DIPK1A: variants seen among roughly 807,000 people sequenced by gnomAD.
DIPK1A encodes the protein family with sequence similarity 69 member A.
DIPK1A carries 27 observed loss-of-function variants against 40.8 expected under a neutral mutation model. That is an observed-to-expected ratio of 0.66 (90% CI 0.49 to 0.91). The LOEUF is 0.91. Among genes scored for constraint, DIPK1A ranks in the 40% least tolerant of loss-of-function variants. The probability of loss-of-function intolerance (pLI) is 0.00; values close to 1 mark genes in which losing one functional copy is unlikely to be tolerated. For synonymous variants in DIPK1A, 166 were observed against 171.3 expected (o/e 0.97, Z 0.24); for missense variants, 412 against 505.7 (o/e 0.81, Z 1.78).
At chr1:92,960,935 A>G (rs1163159329) in intron 1 of DIPK1A, among the ~76,000 whole-genome samples, 1 of 152,226 alleles carries the variant, frequency 6.6e-6, no homozygotes, top group Admixed American at 6.5e-5. Context: ...TTAAGACCCA[A>G]GACACTGAGT....
chr1:92,844,889 C>T (rs1345862927), intron 4 of DIPK1A, among the ~76,000 whole-genome samples: 1 of 149,042 alleles, frequency 6.7e-6, no homozygotes, highest in Non-Finnish European at 1.5e-5. Context: ...GAAAATAAAA[C>T]TTTTTTCTAA....
chr1:92,834,846 A>C, intron 4 of DIPK1A: 1 of 1,609,460 alleles, frequency 6.2e-7, no homozygotes, highest in Non-Finnish European at 8.5e-7. Context: ...CTGCCAAAAT[A>C]TGGTGTGAAG....
chr1:92,928,114 A>C (rs987694228), intron 1 of DIPK1A, among the ~76,000 whole-genome samples: 3 of 152,122 alleles, frequency 2.0e-5, no homozygotes, highest in African/African-American at 7.2e-5. Flanking sequence ...CCTTGTGAAC[A>C]CTTGTTATTG....
chr1:92,856,903 A>G (rs1390724360), intron 2 of DIPK1A, among the ~76,000 whole-genome samples: 19 of 152,200 alleles, frequency 1.2e-4, no homozygotes, highest in Non-Finnish European at 8.8e-5. Flanking sequence ...AAGAACGTTA[A>G]TGCCCCTCAA....
At chr1:92,961,161 CGCGGGAGCCGCGAGGGCCGCGGT>C (rs1301027693) in intron 1 of DIPK1A, among the ~76,000 whole-genome samples, 192 bp downstream of exon 1, 1 of 148,060 alleles carries the variant, frequency 6.8e-6, no homozygotes. Context: ...CTGGCCGCGG[CGCGGGAGCCGCGAGGGCCGCGGT>C]GGGGGGCGTC....
intron 1 of DIPK1A, among the ~76,000 whole-genome samples, chr1:92,898,052 T>C (rs1302662816): frequency 6.6e-6 from 1 of 150,424 alleles, no homozygotes; most frequent in Non-Finnish European, 1.5e-5. Context: ...TGGGTCAAGA[T>C]TGTGTCACTG....
At chr1:92,839,110 C>T (rs781505831), downstream of DIPK1A, among the ~76,000 whole-genome samples, 83 of 151,110 alleles carry the variant, frequency 5.5e-4, no homozygotes, top group Non-Finnish European at 8.4e-4. Flanking sequence ...CTGTAATCCC[C>T]GGACTTGGGA....
intron 1 of DIPK1A, chr1:92,932,814 T>C (rs1650806066): frequency 6.6e-6 from 1 of 152,134 alleles, no homozygotes; most frequent in Admixed American, 6.6e-5. Context: ...GCACCGAGGA[T>C]TTTTAGGGCA....
intron 1 of DIPK1A, among the ~76,000 whole-genome samples, chr1:92,925,516 G>A (rs916227295): frequency 7.2e-5 from 11 of 151,974 alleles, no homozygotes; most frequent in Non-Finnish European, 1.5e-4. Flanking sequence ...TTGTTTTTGA[G>A]ACAGTCTCGC....
rs1191229766 is a variant in DIPK1A, at chr1:92,844,122, T to C, written c.548A>G (p.Asp183Gly). ...LILTVADGDK[D>G]GQVSLGEAKS... The stretch of plus-strand genomic sequence containing the variant: ...TGCTTCTCCCAAGGAAACCTGGCCA[T>C]CTTTGTCTCCATCAGCCACCGTCAA... Residue 183 changes from aspartate to glycine, a missense_variant, in exon 5 of 5, where the codon GAT (aspartate) becomes GGT (glycine). By Grantham distance (94) the Asp-to-Gly change is moderately conservative. Transcript: ENST00000370310. 6.4e-7 allele frequency: 1 copy of C among 1,551,758 alleles called. No homozygotes were observed. Among genetic ancestry groups the C allele is most frequent in the South Asian group, 1.2e-5 (1 of 84,066 alleles).
chr1:92,949,988 G>C, intron 1 of DIPK1A, among the ~76,000 whole-genome samples: 1 of 152,182 alleles, frequency 6.6e-6, no homozygotes, highest in East Asian at 1.9e-4. Context: ...GTCTGGGATG[G>C]AAGAAGGATA....
intron 1 of DIPK1A, among the ~76,000 whole-genome samples, chr1:92,880,150 C>T (rs1242790881): frequency 2.0e-5 from 3 of 152,054 alleles, no homozygotes. Flanking sequence ...CAATGTAGCC[C>T]CCCACAGCAA....
At chr1:92,866,194 C>T (rs1204607243) in intron 2 of DIPK1A, among the ~76,000 whole-genome samples, 6 of 152,186 alleles carry the variant, frequency 3.9e-5, no homozygotes, top group South Asian at 2.1e-4. Flanking sequence ...CTCCGTCTCC[C>T]GGGTTCAAGT....
At chr1:92,836,335 A>G in intron 4 of DIPK1A, 1 of 1,614,214 alleles carries the variant, frequency 6.2e-7, no homozygotes, top group Non-Finnish European at 8.5e-7. Flanking sequence ...ACCACTGGCA[A>G]TAAAGTTTTT....
At chr1:92,921,953 T>A (rs1650286981) in intron 1 of DIPK1A, among the ~76,000 whole-genome samples, 1 of 149,506 alleles carries the variant, frequency 6.7e-6, no homozygotes, top group Non-Finnish European at 1.5e-5. Flanking sequence ...TATTTATTTA[T>A]TTTTTTTTCC....
intron 1 of DIPK1A, among the ~76,000 whole-genome samples, chr1:92,960,334 T>G (rs1652021223): frequency 6.6e-6 from 1 of 152,190 alleles, no homozygotes; most frequent in Non-Finnish European, 1.5e-5. Flanking sequence ...CCTTCTCAAC[T>G]TTTTTCATAA....
intron 1 of DIPK1A, among the ~76,000 whole-genome samples, chr1:92,879,222 C>G (rs902811634): frequency 6.6e-6 from 1 of 151,952 alleles, no homozygotes; most frequent in African/African-American, 2.4e-5. Flanking sequence ...ACACATGTAT[C>G]TTTTTTGAGT....
At chr1:92,860,024 T>C (rs1307149548) in intron 2 of DIPK1A, among the ~76,000 whole-genome samples, 2 of 152,242 alleles carry the variant, frequency 1.3e-5, no homozygotes, top group East Asian at 3.9e-4. Flanking sequence ...AATAGCATGA[T>C]AAATGGATGG....
intron 2 of DIPK1A, among the ~76,000 whole-genome samples, chr1:92,861,708 C>T (rs563302989): frequency 6.6e-6 from 1 of 152,160 alleles, no homozygotes; most frequent in Admixed American, 6.5e-5. Flanking sequence ...AGCATTTGTC[C>T]TGGTTGACCA....
Sources: gnomAD v4.1 joint callset for allele counts (sites outside exome capture counted in the v4.1 genomes callset) on GRCh38, gnomAD v4.1.1 for gene constraint, MANE v1.5 for transcripts, NCBI Gene and HGNC (gene_info 2026-07-23, HGNC 2026-07-21) for gene names.